The following GNA14 variants were observed in gnomAD, a reference collection of about 807,000 sequenced individuals.
GNA14 encodes guanine nucleotide-binding protein subunit alpha-14.
A neutral mutation model predicts 42.0 loss-of-function variants in GNA14; 50 were observed. That is an observed-to-expected ratio of 1.19 (90% CI 0.95 to 1.51). The LOEUF is 1.51. Ranked by LOEUF, GNA14 falls within the 40% of genes most tolerant of loss-of-function variation. GNA14 has a pLI of 0.00. For missense variants in GNA14, 473 were observed against 446.2 expected (o/e 1.06, Z -0.54); for synonymous variants, 173 against 163.1 (o/e 1.06, Z -0.46).
intron 1 of GNA14, among the ~76,000 whole-genome samples, chr9:77,593,393 T>C (rs537909518): frequency 1.3e-5 from 2 of 151,142 alleles, no homozygotes; most frequent in South Asian, 2.1e-4. Context: ...AGTGGTGTGA[T>C]CTTGGCTCAC....
chr9:77,447,041 G>A (rs1401488742), intron 2 of GNA14, among the ~76,000 whole-genome samples: 1 of 150,882 alleles, frequency 6.6e-6, no homozygotes, highest in Admixed American at 6.6e-5. Context: ...TCGGCTCACT[G>A]CAACCTCTGC....
At chr9:77,512,936 TAAA>T (rs1837193582) in intron 2 of GNA14, among the ~76,000 whole-genome samples, 2 of 152,112 alleles carry the variant, frequency 1.3e-5, no homozygotes, top group African/African-American at 4.8e-5. Context: ...TCAAGGAAAA[TAAA>T]AAAATATTTT....
chr9:77,636,891 C>T (rs116886792), intron 1 of GNA14, among the ~76,000 whole-genome samples: 119 of 152,254 alleles, frequency 7.8e-4, no homozygotes, highest in Non-Finnish European at 1.4e-3. Context: ...GAATTTTCAA[C>T]GAGAAGACTG....
intron 1 of GNA14, among the ~76,000 whole-genome samples, chr9:77,623,259 GAAAAAGAAAA>G (rs1823961422): frequency 1.7e-5 from 1 of 59,874 alleles, no homozygotes; most frequent in Non-Finnish European, 3.9e-5. Flanking sequence ...AAAAAGGAAA[GAAAAAGAAAA>G]AAAAATTTGA....
At chr9:77,514,676 C>G (rs986246009) in intron 2 of GNA14, among the ~76,000 whole-genome samples, 42 of 147,304 alleles carry the variant, frequency 2.9e-4, no homozygotes, top group African/African-American at 9.6e-4. Flanking sequence ...TGCAGTGGTG[C>G]GATCTCGGCT....
chr9:77,526,797 G>A (rs1837446525), intron 2 of GNA14: 1 of 152,164 alleles, frequency 6.6e-6, no homozygotes, highest in South Asian at 2.1e-4. Context: ...ACAGCCCTAG[G>A]AAACTAACAC....
intron 1 of GNA14, among the ~76,000 whole-genome samples, chr9:77,557,149 A>T (rs954869461): frequency 6.6e-6 from 1 of 152,212 alleles, no homozygotes; most frequent in African/African-American, 2.4e-5. Flanking sequence ...CCCTGGGCTG[A>T]CACCAAGGAG....
At chr9:77,446,965 A>AT (rs1458892557) in intron 2 of GNA14, among the ~76,000 whole-genome samples, 5 of 145,614 alleles carry the variant, frequency 3.4e-5, no homozygotes, top group Admixed American at 1.4e-4. Flanking sequence ...GTTCATGTAC[A>AT]ATTTTTTTTT....
chr9:77,510,055 A>G, intron 2 of GNA14, among the ~76,000 whole-genome samples: 1 of 152,212 alleles, frequency 6.6e-6, no homozygotes, highest in East Asian at 1.9e-4. Context: ...AACCATCAAA[A>G]TAATTTTTAG....
intron 2 of GNA14, among the ~76,000 whole-genome samples, chr9:77,506,746 C>T (rs1425167610): frequency 6.6e-6 from 1 of 152,164 alleles, no homozygotes; most frequent in African/African-American, 2.4e-5. Flanking sequence ...GTGTATTTCA[C>T]ACTCACAGCA....
intron 1 of GNA14, among the ~76,000 whole-genome samples, chr9:77,623,483 G>A (rs1356289402): frequency 1.3e-5 from 2 of 152,166 alleles, no homozygotes; most frequent in Non-Finnish European, 2.9e-5. Context: ...TGGCTGGCAA[G>A]ATGGCTGAAT....
intron 2 of GNA14, among the ~76,000 whole-genome samples, chr9:77,434,997 G>A (rs978682515): frequency 1.0e-4 from 15 of 147,828 alleles, no homozygotes; most frequent in African/African-American, 3.8e-4. Flanking sequence ...TGTCTTTAGA[G>A]AAGTGAAACA....
chr9:77,619,015 A>G (rs1278063883), intron 1 of GNA14, among the ~76,000 whole-genome samples: 1 of 152,000 alleles, frequency 6.6e-6, no homozygotes, highest in South Asian at 2.1e-4. Flanking sequence ...AAATATGGCT[A>G]CTGGGAAGTT....
chr9:77,463,967 T>C (rs1180407178), intron 2 of GNA14, among the ~76,000 whole-genome samples: 2 of 152,240 alleles, frequency 1.3e-5, no homozygotes, highest in African/African-American at 4.8e-5. Context: ...TATCATTACT[T>C]ACATAATTAC....
At chr9:77,514,502 T>C (rs890586607) in intron 2 of GNA14, among the ~76,000 whole-genome samples, 2 of 152,078 alleles carry the variant, frequency 1.3e-5, no homozygotes, top group African/African-American at 2.4e-5. Flanking sequence ...AATTATAATG[T>C]AATACGAAGG....
At chr9:77,446,732 C>T (rs1835824640) in intron 2 of GNA14, among the ~76,000 whole-genome samples, 2 of 152,198 alleles carry the variant, frequency 1.3e-5, no homozygotes, top group South Asian at 4.1e-4. Context: ...ACTGGATTGA[C>T]ACGGATGTGA....
chr9:77,641,160 GGAAGGAAGGAAGGA>G (rs2118034470), intron 1 of GNA14, among the ~76,000 whole-genome samples: 6 of 130,158 alleles, frequency 4.6e-5, no homozygotes, highest in Admixed American at 3.5e-4. Flanking sequence ...AAGGAAGGAA[GGAAGGAAGGAAGGA>G]AGGGCAAAGG....
At chr9:77,642,898 G>C (rs984846119) in intron 1 of GNA14, among the ~76,000 whole-genome samples, 5 of 152,174 alleles carry the variant, frequency 3.3e-5, no homozygotes, top group Non-Finnish European at 7.3e-5. Flanking sequence ...TAGATGGTGA[G>C]GAGAGTTTGT....
intron 2 of GNA14, among the ~76,000 whole-genome samples, chr9:77,470,955 C>T (rs1218907677): frequency 6.6e-6 from 1 of 151,690 alleles, no homozygotes; most frequent in Non-Finnish European, 1.5e-5. Flanking sequence ...GATCCAGTCA[C>T]CTCCCACCAG....
Sources: allele counts gnomAD v4.1 joint callset (sites outside exome capture counted in the v4.1 genomes callset), GRCh38; gene constraint gnomAD v4.1.1; transcripts MANE v1.5; gene names NCBI Gene and HGNC (gene_info 2026-07-23, HGNC 2026-07-21).